EXOC1: variants seen among roughly 807,000 people sequenced by gnomAD.
The protein encoded by EXOC1 is exocyst complex component 1, also known as SEC3-like 1.
EXOC1 carries 67 observed loss-of-function variants against 107.7 expected under a neutral mutation model. The ratio of observed to expected loss-of-function variants is 0.62; its 90% confidence interval spans 0.51 to 0.76. The LOEUF (loss-of-function observed/expected upper bound fraction) is 0.76, where lower values mean the gene tolerates loss of function less well. Among genes scored for constraint, EXOC1 ranks in the 30% least tolerant of loss-of-function variants. EXOC1 has a pLI of 0.00. For synonymous variants in EXOC1, 348 were observed against 353.5 expected (o/e 0.98, Z 0.17); for missense variants, 833 against 1,055.7 (o/e 0.79, Z 2.92).
intron 9 of EXOC1, among the ~76,000 whole-genome samples, chr4:55,881,652 G>A (rs944860965): frequency 2.0e-5 from 3 of 152,092 alleles, no homozygotes; most frequent in Non-Finnish European, 2.9e-5. Context: ...GTGGGGAGGG[G>A]GCTTCCAGAT....
chr4:55,886,642 A>G (rs1292983056), intron 10 of EXOC1, among the ~76,000 whole-genome samples: 1 of 152,122 alleles, frequency 6.6e-6, no homozygotes, highest in African/African-American at 2.4e-5. Flanking sequence ...TATAATTAAA[A>G]TAGAAATCTC....
intron 3 of EXOC1, among the ~76,000 whole-genome samples, chr4:55,863,209 A>G (rs1483861674): frequency 6.6e-6 from 1 of 151,900 alleles, no homozygotes; most frequent in Non-Finnish European, 1.5e-5. Flanking sequence ...CTGTTTTTTT[A>G]TATAATAGTC....
intron 11 of EXOC1, 96 bp downstream of exon 11, chr4:55,889,028 T>C (rs1724214436): frequency 7.9e-7 from 1 of 1,267,776 alleles, no homozygotes; most frequent in Non-Finnish European, 1.1e-6. Context: ...CCAAAAATTT[T>C]GATTGCTCTG....
chr4:55,898,270 AAATG>A (rs1187708982), intron 16 of EXOC1, among the ~76,000 whole-genome samples: 2 of 152,276 alleles, frequency 1.3e-5, no homozygotes, highest in East Asian at 3.9e-4. Flanking sequence ...AATAAATAAT[AAATG>A]AATGAATGAA....
chr4:55,895,425 A>G (rs1440275719), intron 15 of EXOC1, among the ~76,000 whole-genome samples: 1 of 152,196 alleles, frequency 6.6e-6, no homozygotes, highest in East Asian at 1.9e-4. Context: ...TACCTTTTCT[A>G]CTGCATCTGT....
At chr4:55,888,767 C>T (rs187809728) in intron 10 of EXOC1, 121 bp from the exon 11 acceptor site, 205 of 940,672 alleles carry the variant, frequency 2.2e-4, no homozygotes, top group Admixed American at 4.1e-4. Context: ...ACTTGATGCT[C>T]ATGGTTCTTT....
Position 55,855,104 on chromosome 4 carries a change from CAG to C in EXOC1, c.-11+1154_-11+1155del, listed in dbSNP as rs372821485. On this transcript the variant is annotated intron_variant, in intron 1 of 18. Coordinates refer to ENST00000381295, the MANE Select transcript of EXOC1 (RefSeq NM_001024924.2). ...GTGAAGATTTGATGTCCAAAATGAA[CAG>C]AGTGTTTGGAGTGGAATGTTTTTGA... is the stretch of plus-strand genomic sequence containing the variant. Among the ~76,000 whole-genome samples, 139 of 152,220 alleles carry C rather than the reference CAG, an allele frequency of 9.1e-4. 2 individuals are homozygous for C. The highest frequency in any genetic ancestry group is 2.6e-3 in the African/African-American group (108 of 41,532).
In EXOC1 at chr4:55,904,807, C is replaced by T. The variant is rs769963843; in HGVS notation, c.*312C>T. 10 of 203,970 alleles carry T rather than the reference C, an allele frequency of 4.9e-5. No homozygotes were observed. The South Asian group carries it at 1.2e-3, about 25-fold the overall frequency. The allele number at this position is 203,970 out of a possible 1,614,324, so 12.6% of individuals were successfully genotyped here. ...AGCTGCTTGTGTTTGAGTGGTTGTCCTATGAGCAATGCATTTGGAGTTCTT... is the reference window on the plus strand; with the variant it reads ...AGCTGCTTGTGTTTGAGTGGTTGTCTTATGAGCAATGCATTTGGAGTTCTT... On this transcript the variant is annotated 3_prime_UTR_variant, in exon 19 of 19. Coordinates refer to ENST00000381295, the MANE Select transcript of EXOC1 (RefSeq NM_001024924.2).
rs893205233 is a variant in EXOC1, at chr4:55,871,861, T to C, written c.977T>C (p.Leu326Pro). 3 of 1,613,672 alleles carry C rather than the reference T, an allele frequency of 1.9e-6. No homozygotes were observed. ...CGTTCTGTGTCAGGCCATGACTTGC[T>C]TCTGGCAGTCAAACAGCAACAGCAG... ...NVALRPGHDL[L>P]LAVKQQQQRF... is the part of the protein sequence containing the mutation. Residue 326 changes from leucine to proline, a missense_variant, in exon 8 of 19, where the codon CTT becomes CCT. Leu to Pro is a moderately conservative substitution (Grantham distance 98). Coordinates refer to ENST00000381295, the MANE Select transcript of EXOC1 (RefSeq NM_001024924.2).
Position 55,902,374 on chromosome 4 carries a change from G to A in EXOC1, c.2368G>A (p.Ala790Thr). The A allele has an allele frequency of 4.6e-6, 7 of 1,520,506 alleles. No individual in the cohort carries two copies. Among genetic ancestry groups the A allele is most frequent in the Non-Finnish European group, 6.1e-6 (7 of 1,138,668 alleles). 94.2% of individuals were successfully genotyped at this position (1,520,506 alleles called of 1,614,324 possible). ...HFFEGVEARVAQGIREEEVSY... is the reference protein window; with the variant it reads ...HFFEGVEARVTQGIREEEVSY... ...CTTTGAAGGTGTTGAAGCTCGCGTG[G>A]CACAGGGCATAAGGGAGGAGGAAGT... is the stretch of plus-strand genomic sequence containing the variant. Residue 790 changes from alanine to threonine, a missense_variant, in exon 18 of 19, where the codon GCA (alanine) becomes ACA (threonine). Around this residue, in one of 2 missense-constraint regions of EXOC1, gnomAD observed 216 missense variants for 354.4 expected, o/e 0.61. Coordinates refer to ENST00000381295, the MANE Select transcript of EXOC1 (RefSeq NM_001024924.2).
intron 9 of EXOC1, among the ~76,000 whole-genome samples, chr4:55,882,473 A>G (rs1483008001): frequency 6.6e-6 from 1 of 152,212 alleles, no homozygotes; most frequent in East Asian, 1.9e-4. Flanking sequence ...TCCCACTGAA[A>G]AAGTAATACA....
Position 55,877,899 on chromosome 4 carries a change from T to C in EXOC1, c.1075-18T>C. 1 of 1,611,892 alleles carries C rather than the reference T, an allele frequency of 6.2e-7. No homozygotes were observed. The highest frequency in any genetic ancestry group is 8.5e-7 in the Non-Finnish European group (1 of 1,179,246). ...TGTACTGTTGATTACATTTATTTAC[T>C]TATTTTACTCACTTTAGGGTCATGA... On this transcript the variant is annotated intron_variant, in intron 8 of 18. Coordinates refer to ENST00000381295, the MANE Select transcript of EXOC1 (RefSeq NM_001024924.2).
chr4:55,860,135 T>C (rs926162109), intron 2 of EXOC1, among the ~76,000 whole-genome samples: 1 of 152,242 alleles, frequency 6.6e-6, no homozygotes, highest in African/African-American at 2.4e-5. Flanking sequence ...AATCATTCTT[T>C]AGATTTTTAC....
intron 4 of EXOC1, chr4:55,866,732 T>A: frequency 3.2e-6 from 1 of 315,322 alleles, no homozygotes; most frequent in East Asian, 1.7e-4. Flanking sequence ...GGTAGTTGAT[T>A]TGGCTGTCTT....
chr4:55,866,881 A>T, intron 4 of EXOC1: 1 of 985,304 alleles, frequency 1.0e-6, no homozygotes. Context: ...GAACTGCCTA[A>T]AGTTACAGAA....
intron 14 of EXOC1, among the ~76,000 whole-genome samples, chr4:55,893,307 A>G (rs1178631062): frequency 6.6e-6 from 1 of 152,154 alleles, no homozygotes; most frequent in Non-Finnish European, 1.5e-5. Flanking sequence ...TTTGGTAGAG[A>G]CAGGGTTTTA....
chr4:55,855,196 T>G (rs1192457360), intron 1 of EXOC1, among the ~76,000 whole-genome samples: 1 of 152,200 alleles, frequency 6.6e-6, no homozygotes, highest in Non-Finnish European at 1.5e-5. Flanking sequence ...AATTATCTTG[T>G]TGTTCAGGGT....
At position 55,893,612 on chromosome 4, in the gene EXOC1, C is replaced by T. The variant is rs1724839353; in HGVS notation, c.1785C>T (p.Asn595=). Residue 595 remains asparagine (N), a synonymous_variant, in exon 15 of 19, where the codon AAC becomes AAT. Transcript: ENST00000381295. ...KIFRCIEPEL[N]NLIALGDKID... is the part of the protein sequence containing the mutation. ...TTCGCTGCATTGAGCCAGAGCTGAACAACCTAATTGCATTAGGAGACAAAA... is the reference window on the plus strand; with the variant it reads ...TTCGCTGCATTGAGCCAGAGCTGAATAACCTAATTGCATTAGGAGACAAAA... 21 of 1,613,874 alleles carry T rather than the reference C, an allele frequency of 1.3e-5. No homozygotes were observed. The highest frequency in any genetic ancestry group is 1.7e-5 in the Non-Finnish European group (20 of 1,179,996).
At chr4:55,889,204 C>G (rs574962634) in intron 11 of EXOC1, among the ~76,000 whole-genome samples, 1 of 152,172 alleles carries the variant, frequency 6.6e-6, no homozygotes, top group African/African-American at 2.4e-5. Context: ...TGTTTAGAAA[C>G]TATAAAAAAT....
Sources: gnomAD v4.1 joint callset for allele counts (sites outside exome capture counted in the v4.1 genomes callset) on GRCh38, gnomAD v4.1.1 for gene constraint, gnomAD v4.1.1 regional missense constraint, MANE v1.5 for transcripts, NCBI Gene and HGNC (gene_info 2026-07-23, HGNC 2026-07-21) for gene names.